The following FSTL4 variants were observed in gnomAD, a reference collection of about 807,000 sequenced individuals.
FSTL4 encodes the protein follistatin-related protein 4.
A neutral mutation model predicts 78.2 loss-of-function variants in FSTL4; 28 were observed. The observed-to-expected ratio is 0.36, with a 90% CI of 0.27 to 0.49. FSTL4 has a LOEUF of 0.49. Ranked by LOEUF, FSTL4 falls within the 20% of genes least tolerant of loss-of-function variation. The probability of loss-of-function intolerance (pLI) is 0.98; values close to 1 mark genes in which losing one functional copy is unlikely to be tolerated. For synonymous variants in FSTL4, 422 were observed against 440.5 expected (o/e 0.96, Z 0.53); for missense variants, 922 against 1,084.9 (o/e 0.85, Z 2.11).
the FSTL4 span, among the ~76,000 whole-genome samples, chr5:133,630,795 C>T: frequency 4.6e-5 from 7 of 152,148 alleles, no homozygotes; most frequent in Admixed American, 3.3e-4. Flanking sequence ...AAACTGATAT[C>T]GACCAATGTA....
At chr5:133,793,320 G>A in the FSTL4 span, among the ~76,000 whole-genome samples, 1 of 152,212 alleles carries the variant, frequency 6.6e-6, no homozygotes, top group African/African-American at 2.4e-5. Context: ...TCCCCGCCAT[G>A]GGCACATCCC....
intron 7 of FSTL4, chr5:133,243,848 C>T (rs999206350): frequency 1.3e-5 from 2 of 152,328 alleles, no homozygotes; most frequent in African/African-American, 4.8e-5. Flanking sequence ...GTTCCTGTCT[C>T]CTGGCCCTCA....
At chr5:133,212,084 T>C (rs1750749020) in intron 13 of FSTL4, among the ~76,000 whole-genome samples, 2 of 152,334 alleles carry the variant, frequency 1.3e-5, no homozygotes, top group Non-Finnish European at 2.9e-5. Flanking sequence ...CCTGTATTTG[T>C]TCCTGCCAGT....
chr5:133,726,989 G>A, the FSTL4 span, among the ~76,000 whole-genome samples: 153 of 152,214 alleles, frequency 1.0e-3, no homozygotes, highest in African/African-American at 3.4e-3. Flanking sequence ...ATTGGAGACC[G>A]TGGCATGTCG....
intron 11 of FSTL4, among the ~76,000 whole-genome samples, chr5:133,223,667 C>T (rs1751232791): frequency 6.6e-6 from 1 of 152,206 alleles, no homozygotes; most frequent in Non-Finnish European, 1.5e-5. Flanking sequence ...AAAATGGCAA[C>T]TTCATATGGC....
chr5:133,498,091 C>G (rs531967732), intron 3 of FSTL4, among the ~76,000 whole-genome samples: 2 of 152,232 alleles, frequency 1.3e-5, no homozygotes, highest in African/African-American at 4.8e-5. Context: ...AGCACCCCCC[C>G]AATAAATACA....
intron 4 of FSTL4, among the ~76,000 whole-genome samples, chr5:133,339,782 AC>A (rs2126917139): frequency 6.6e-6 from 1 of 152,262 alleles, no homozygotes; most frequent in South Asian, 2.1e-4. Flanking sequence ...GTGAAATCCA[AC>A]CCCTTTGCCT....
At chr5:133,695,679 G>T in the FSTL4 span, among the ~76,000 whole-genome samples, 146 of 152,222 alleles carry the variant, frequency 9.6e-4, no homozygotes, top group African/African-American at 3.3e-3. Flanking sequence ...TCATCATCAG[G>T]ATCCTGAGGC....
At chr5:133,377,122 C>T (rs28885980) in intron 4 of FSTL4, among the ~76,000 whole-genome samples, 1 of 152,128 alleles carries the variant, frequency 6.6e-6, no homozygotes, top group African/African-American at 2.4e-5. Context: ...CAGCTCCAGG[C>T]TGTGGAGACT....
At chr5:133,746,285 G>A in the FSTL4 span, among the ~76,000 whole-genome samples, 8 of 152,320 alleles carry the variant, frequency 5.3e-5, no homozygotes, top group East Asian at 1.9e-4. Flanking sequence ...ACTTTAGTAC[G>A]TGTGTGATTC....
intron 3 of FSTL4, among the ~76,000 whole-genome samples, chr5:133,522,633 T>C (rs932726875): frequency 7.2e-5 from 11 of 152,352 alleles, no homozygotes; most frequent in African/African-American, 2.6e-4. Context: ...ACATTTCCTA[T>C]CTCAGTGGCT....
Position 133,516,058 on chromosome 5 carries a change from C to T in FSTL4, c.160+51128G>A, listed in dbSNP as rs563884412. Among the ~76,000 whole-genome samples, 8 of 151,714 alleles carry T rather than the reference C, an allele frequency of 5.3e-5. No homozygotes were observed. The East Asian group carries it at 5.8e-4, about 11-fold the overall frequency. ...CGCTATTTTTTTTTTGAAAGACTAA[C>T]GTGCCATGACCAAGGAGGACTTATT... On this transcript the variant is annotated intron_variant, in intron 3 of 15. Transcript: ENST00000265342.
At chr5:133,404,264 G>T (rs912417717) in intron 3 of FSTL4, among the ~76,000 whole-genome samples, 2 of 152,104 alleles carry the variant, frequency 1.3e-5, no homozygotes, top group Non-Finnish European at 2.9e-5. Flanking sequence ...CAAGCCCCTT[G>T]TTACCACTTC....
intron 3 of FSTL4, among the ~76,000 whole-genome samples, chr5:133,432,350 C>G (rs555879819): frequency 3.7e-4 from 56 of 152,210 alleles, no homozygotes; most frequent in Non-Finnish European, 6.6e-4. Flanking sequence ...ATTTCTGCCT[C>G]TCCCACAATA....
intron 2 of FSTL4, among the ~76,000 whole-genome samples, chr5:133,598,121 C>T (rs1279325632): frequency 6.6e-6 from 1 of 152,140 alleles, no homozygotes. Flanking sequence ...AGCATGACTG[C>T]AGCCTGCCCA....
intron 3 of FSTL4, among the ~76,000 whole-genome samples, chr5:133,536,795 A>G (rs1759358674): frequency 6.6e-6 from 1 of 152,078 alleles, no homozygotes; most frequent in African/African-American, 2.4e-5. Context: ...TTTATATTCT[A>G]TATATTATTA....
At chr5:133,614,078 T>G (rs1188783801), upstream of FSTL4, among the ~76,000 whole-genome samples, 7 of 152,142 alleles carry the variant, frequency 4.6e-5, no homozygotes, top group Non-Finnish European at 7.4e-5. Context: ...CCCTCTGAAA[T>G]GTAATTCTAA....
chr5:133,664,180 C>T, the FSTL4 span, among the ~76,000 whole-genome samples: 30 of 152,184 alleles, frequency 2.0e-4, no homozygotes, highest in East Asian at 4.4e-3. Flanking sequence ...CAAATGATCA[C>T]GTGTCAAGGA....
chr5:133,675,929 G>A, the FSTL4 span, among the ~76,000 whole-genome samples: 4 of 152,126 alleles, frequency 2.6e-5, no homozygotes, highest in Admixed American at 2.6e-4. Flanking sequence ...GCCTAGGAGA[G>A]TCTGACAGGC....
Sources: gnomAD v4.1 joint callset for allele counts (sites outside exome capture counted in the v4.1 genomes callset) on GRCh38, gnomAD v4.1.1 for gene constraint, MANE v1.5 for transcripts, NCBI Gene and HGNC (gene_info 2026-07-23, HGNC 2026-07-21) for gene names.